Variants in FRMD4A observed in about 807,000 individuals in gnomAD.
The protein encoded by FRMD4A is FERM domain-containing protein 4A.
FRMD4A carries 29 observed loss-of-function variants against 129.1 expected under a neutral mutation model. The observed-to-expected ratio is 0.22, with a 90% CI of 0.17 to 0.31. FRMD4A has a LOEUF of 0.31. Ranked by LOEUF, FRMD4A falls within the 10% of genes least tolerant of loss-of-function variation. The pLI is 1.00. For missense variants in FRMD4A, 1,272 were observed against 1,375.8 expected, an observed-to-expected ratio of 0.92 and a Z score of 1.19; for synonymous variants, 634 against 571.6, an observed-to-expected ratio of 1.11 and a Z score of -1.56.
intron 2 of FRMD4A, among the ~76,000 whole-genome samples, chr10:13,901,200 G>A (rs925534645): frequency 1.4e-4 from 21 of 152,206 alleles, no homozygotes; most frequent in African/African-American, 4.6e-4. Flanking sequence ...AGGCATGGTC[G>A]AGTATTAGGT....
chr10:14,159,765 G>GTCA (rs1243209906), intron 2 of FRMD4A, among the ~76,000 whole-genome samples: 5 of 152,138 alleles, frequency 3.3e-5, no homozygotes, highest in Non-Finnish European at 7.4e-5. Context: ...TATACCAAAT[G>GTCA]CTGGCTGGGC....
chr10:13,912,487 G>A (rs1363506104), intron 2 of FRMD4A, among the ~76,000 whole-genome samples: 1 of 150,006 alleles, frequency 6.7e-6, no homozygotes, highest in Non-Finnish European at 1.5e-5. Context: ...CTGATGAACA[G>A]ATAAGCAAAA....
intron 2 of FRMD4A, among the ~76,000 whole-genome samples, chr10:14,228,977 A>C (rs1205929394): frequency 6.6e-6 from 1 of 152,206 alleles, no homozygotes; most frequent in African/African-American, 2.4e-5. Flanking sequence ...GTAGCATTAA[A>C]ATATGCCCCA....
At chr10:13,751,179 G>A (rs1330938812) in intron 8 of FRMD4A, among the ~76,000 whole-genome samples, 1 of 152,202 alleles carries the variant, frequency 6.6e-6, no homozygotes, top group Admixed American at 6.5e-5. Flanking sequence ...AACTCCAGGA[G>A]GAAGGGATCG....
intron 14 of FRMD4A, among the ~76,000 whole-genome samples, chr10:13,698,903 GTTCTCC>G (rs1446315805): frequency 6.6e-6 from 1 of 152,206 alleles, no homozygotes; most frequent in Non-Finnish European, 1.5e-5. Context: ...CCTGGGAAAT[GTTCTCC>G]TTCTCCTTCT....
At chr10:14,139,743 C>G (rs1314904089) in intron 2 of FRMD4A, among the ~76,000 whole-genome samples, 1 of 152,164 alleles carries the variant, frequency 6.6e-6, no homozygotes, top group African/African-American at 2.4e-5. Context: ...AGTGACAGAA[C>G]CTGGCCAAAT....
intron 24 of FRMD4A, among the ~76,000 whole-genome samples, chr10:13,650,101 G>A (rs1036161511): frequency 5.3e-5 from 8 of 152,232 alleles, no homozygotes; most frequent in Admixed American, 3.3e-4. Flanking sequence ...AGCCAGGGCC[G>A]TCTGATACCA....
chr10:14,118,895 TC>T (rs746999333), intron 2 of FRMD4A, among the ~76,000 whole-genome samples: 48 of 152,140 alleles, frequency 3.2e-4, no homozygotes, highest in Non-Finnish European at 5.6e-4. Flanking sequence ...TAACCCTGAA[TC>T]CCCACAACTC....
intron 8 of FRMD4A, among the ~76,000 whole-genome samples, chr10:13,754,238 C>T (rs1263121514): frequency 1.3e-5 from 2 of 152,018 alleles, no homozygotes; most frequent in African/African-American, 2.4e-5. Context: ...AAAATTTCCT[C>T]CTTACTTGGC....
chr10:14,030,475 A>G (rs73593364), intron 2 of FRMD4A, among the ~76,000 whole-genome samples: 19,906 of 152,236 alleles, frequency 0.13, 1,646 homozygotes, highest in African/African-American at 0.23. Flanking sequence ...AGCAACTGAT[A>G]TTAATGTCCT....
At chr10:14,109,520 C>G (rs1340947663) in intron 2 of FRMD4A, among the ~76,000 whole-genome samples, 2 of 152,204 alleles carry the variant, frequency 1.3e-5, no homozygotes, top group East Asian at 3.8e-4. Context: ...ATCCCCTGCA[C>G]TTAAATTTGA....
intron 2 of FRMD4A, among the ~76,000 whole-genome samples, chr10:14,109,750 T>C (rs1052016230): frequency 6.6e-6 from 1 of 152,098 alleles, no homozygotes; most frequent in Admixed American, 6.6e-5. Context: ...GGTGGGCAGA[T>C]CACTTGAGGT....
At chr10:14,109,808 C>G (rs550801183) in intron 2 of FRMD4A, among the ~76,000 whole-genome samples, 1 of 151,324 alleles carries the variant, frequency 6.6e-6, no homozygotes, top group Non-Finnish European at 1.5e-5. Context: ...CCTGTCTCTA[C>G]TAAAACTACA....
intron 2 of FRMD4A, among the ~76,000 whole-genome samples, chr10:14,178,899 G>T (rs1383301929): frequency 6.6e-6 from 1 of 152,144 alleles, no homozygotes; most frequent in African/African-American, 2.4e-5. Flanking sequence ...TCTACTTTGT[G>T]GTAGGTGGAC....
intron 2 of FRMD4A, chr10:14,008,196 G>GTGTGTGTT: frequency 2.5e-6 from 3 of 1,222,076 alleles, no homozygotes; most frequent in Non-Finnish European, 3.2e-6. Context: ...GTGTGTGTGT[G>GTGTGTGTT]TGTGTGTGTG....
intron 2 of FRMD4A, among the ~76,000 whole-genome samples, chr10:14,090,758 A>G (rs1376290690): frequency 2.6e-5 from 4 of 152,226 alleles, no homozygotes; most frequent in African/African-American, 9.7e-5. Context: ...TCTGCCGTGG[A>G]TATAAATTCA....
intron 2 of FRMD4A, among the ~76,000 whole-genome samples, chr10:13,975,897 C>T (rs781739022): frequency 5.4e-4 from 82 of 152,142 alleles, no homozygotes; most frequent in Non-Finnish European, 9.7e-4. Context: ...TGACCTGGAC[C>T]GGTCTAACTC....
intron 2 of FRMD4A, among the ~76,000 whole-genome samples, chr10:13,900,253 T>C (rs138988857): frequency 2.6e-5 from 4 of 152,252 alleles, no homozygotes; most frequent in African/African-American, 9.6e-5. Context: ...AATGGCTGTG[T>C]TTTATTTTGT....
chr10:13,894,910 G>T (rs954672870), intron 2 of FRMD4A, among the ~76,000 whole-genome samples: 2 of 152,214 alleles, frequency 1.3e-5, no homozygotes, highest in Non-Finnish European at 2.9e-5. Flanking sequence ...CACTAGCTGT[G>T]CAAGCTTAGG....
Sources: gnomAD v4.1 joint callset for allele counts (sites outside exome capture counted in the v4.1 genomes callset) on GRCh38, gnomAD v4.1.1 for gene constraint, MANE v1.5 for transcripts, NCBI Gene and HGNC (gene_info 2026-07-23, HGNC 2026-07-21) for gene names.